RPGR: variants seen among roughly 807,000 people sequenced by gnomAD.
RPGR encodes X-linked retinitis pigmentosa GTPase regulator.
In RPGR, 10 loss-of-function variants were observed where a neutral mutation model predicts 56.3. The observed-to-expected ratio is 0.18, with a 90% CI of 0.11 to 0.30. RPGR has a LOEUF of 0.30. Ranked by LOEUF, RPGR falls within the 10% of genes least tolerant of loss-of-function variation. RPGR has a pLI of 1.00. For synonymous variants in RPGR, 197 were observed against 212.9 expected, an observed-to-expected ratio of 0.93 and a Z score of 0.65; for missense variants, 538 against 590.9, an observed-to-expected ratio of 0.91 and a Z score of 0.93.
intron 14 of RPGR, chrX:38,287,573 T>G: frequency 2.0e-6 from 1 of 506,681 alleles, no homozygotes; most frequent in Non-Finnish European, 3.5e-6. Context: ...CTCTCAGTAT[T>G]CATACCTCTA....
intron 7 of RPGR, 96 bp downstream of exon 7, chrX:38,310,519 C>T (rs1162435104): frequency 1.3e-6 from 1 of 795,754 alleles, no homozygotes; most frequent in Admixed American, 3.0e-5. Flanking sequence ...GTATTCTTAC[C>T]ACAATAAAAA....
chrX:38,323,411 C>T lies in RPGR; in HGVS notation c.142G>A (p.Ala48Thr). 1.7e-6 allele frequency: 2 copies of T among 1,205,730 alleles called. No homozygotes were observed. Among genetic ancestry groups the T allele is most frequent in the Non-Finnish European group, 2.2e-6 (2 of 890,533 alleles). The change falls in exon 2 of 19, where the codon GCT becomes ACT. Residue 48 changes from alanine to threonine, a missense_variant. Physicochemically the swap from Ala to Thr is moderately conservative, Grantham distance 58. Coordinates refer to ENST00000642395, the MANE Select transcript of RPGR (RefSeq NM_000328.3). The stretch of plus-strand genomic sequence containing the variant: ...TTGTAATACTAACCGGTAACAACAG[C>T]AGAATGTTCATCTCCACATGAAAGA...
At chrX:38,324,540 G>A (rs2068008408) in intron 1 of RPGR, among the ~76,000 whole-genome samples, 2 of 109,428 alleles carry the variant, frequency 1.8e-5, no homozygotes, top group African/African-American at 6.7e-5. Context: ...AAAAACCATA[G>A]GCTTTAAAGG....
chrX:38,288,804 C>T (rs539496607), intron 13 of RPGR, among the ~76,000 whole-genome samples: 3 of 110,879 alleles, frequency 2.7e-5, no homozygotes, highest in African/African-American at 9.8e-5. Flanking sequence ...TTTCTTGAGA[C>T]GGAGTTTCAT....
At chrX:38,270,458 CAAAAA>C (rs771458538) in intron 18 of RPGR, among the ~76,000 whole-genome samples, 1 of 76,557 alleles carries the variant, frequency 1.3e-5, no homozygotes, top group African/African-American at 5.1e-5. Context: ...ACTACAAATA[CAAAAA>C]AAAAAAAAAA....
intron 1 of RPGR, 93 bp downstream of exon 1, chrX:38,327,247 C>A: frequency 2.2e-6 from 2 of 926,811 alleles, no homozygotes; most frequent in Non-Finnish European, 2.9e-6. Flanking sequence ...AAGCCTGGGG[C>A]CTGTCCCCCT....
chrX:38,269,639 C>G lies in RPGR; in HGVS notation c.2435G>C (p.Cys812Ser), dbSNP rs371704187. Residue 812 changes from cysteine to serine, a missense_variant, in exon 19 of 19, where the codon TGT becomes TCT. By Grantham distance (112) the Cys-to-Ser change is moderately radical. Around this residue, in one of 2 missense-constraint regions of RPGR, gnomAD observed 357 missense variants for 325.8 expected, o/e 1.10. Coordinates refer to ENST00000642395, the MANE Select transcript of RPGR (RefSeq NM_000328.3). ...ATAAATATATATTTATAGTATTGTA[C>G]AGGATTTTGATCTTCTCTCTGTATT... 6 of 1,185,207 alleles carry G rather than the reference C, an allele frequency of 5.1e-6. No individual in the cohort carries two copies. Among genetic ancestry groups the G allele is most frequent in the Non-Finnish European group, 6.9e-6 (6 of 873,066 alleles).
intron 18 of RPGR, chrX:38,272,578 G>A (rs2066863343): frequency 9.8e-6 from 1 of 101,982 alleles, no homozygotes; most frequent in Non-Finnish European, 2.0e-5. Flanking sequence ...GGCAACAAGA[G>A]CGAAACTCCA....
rs1484836661 is a variant in RPGR, at chrX:38,317,145, T to G, written c.619+171A>C. On this transcript the variant is annotated intron_variant, in intron 6 of 18. Transcript: ENST00000642395. Reference sequence around the variant, plus strand: ...TCAGACAGAGTTTGAAATTATGAACTCTTATTATATAAATGGGGAAATACT... The same window carrying G: ...TCAGACAGAGTTTGAAATTATGAACGCTTATTATATAAATGGGGAAATACT... 5 of 465,035 alleles carry G rather than the reference T, an allele frequency of 1.1e-5. No homozygotes were observed. In the East Asian group the frequency reaches 1.9e-4, roughly 18 times the overall value. 38.3% of individuals were successfully genotyped at this position (465,035 alleles called of 1,213,427 possible).
At chrX:38,280,844 T>C (rs2147179546) in intron 15 of RPGR, among the ~76,000 whole-genome samples, 1 of 111,470 alleles carries the variant, frequency 9.0e-6, no homozygotes, top group South Asian at 3.8e-4. Flanking sequence ...TGAGAAACTT[T>C]TTAAATGTAA....
intron 6 of RPGR, among the ~76,000 whole-genome samples, chrX:38,311,371 A>T (rs1207272288): frequency 8.9e-6 from 1 of 112,187 alleles, no homozygotes; most frequent in Non-Finnish European, 1.9e-5. Flanking sequence ...CTGTATTATG[A>T]CTGTGAACTT....
At chrX:38,289,593 T>A (rs2067248872) in intron 13 of RPGR, among the ~76,000 whole-genome samples, 1 of 112,027 alleles carries the variant, frequency 8.9e-6, no homozygotes, top group African/African-American at 3.2e-5. Flanking sequence ...TAGGAAGAGG[T>A]TCCTATTGTG....
intron 8 of RPGR, chrX:38,302,780 AGT>A (rs1234682984): frequency 1.9e-5 from 2 of 107,644 alleles, no homozygotes; most frequent in Admixed American, 1.0e-4. Flanking sequence ...AGTGCTATTC[AGT>A]GTTTGGACTC....
At chrX:38,313,329 C>T (rs1449103251) in intron 6 of RPGR, among the ~76,000 whole-genome samples, 1 of 112,078 alleles carries the variant, frequency 8.9e-6, no homozygotes, top group Non-Finnish European at 1.9e-5. Context: ...ATTGGTCTAG[C>T]ACAGTAGCAA....
Position 38,286,442 on chromosome X carries a change from C to T in RPGR, c.1905+652G>A, listed in dbSNP as rs756933299. On this transcript the variant is annotated intron_variant, in intron 15 of 18. Transcript: ENST00000642395. Reference sequence around the variant, plus strand: ...TCTTCCTCCCCTTTCCCTTCTCCTTCCTCCTCTTCCCCCTCCCCTTCCTCC... The same window carrying T: ...TCTTCCTCCCCTTTCCCTTCTCCTTTCTCCTCTTCCCCCTCCCCTTCCTCC... 3.2e-6 allele frequency: 3 copies of T among 936,499 alleles called. No homozygotes were observed. The highest frequency in any genetic ancestry group is 4.0e-6 in the Non-Finnish European group (3 of 759,474). The allele number at this position is 936,499 out of a possible 1,213,427, so 77.2% of individuals were successfully genotyped here.
intron 8 of RPGR, among the ~76,000 whole-genome samples, chrX:38,301,722 T>A (rs1411880051): frequency 1.8e-5 from 2 of 111,024 alleles, no homozygotes; most frequent in Non-Finnish European, 3.8e-5. Flanking sequence ...GACCCCTACA[T>A]CCCAACACAG....
At chrX:38,304,937 G>T in intron 7 of RPGR, 147 bp from the exon 8 acceptor site, 1 of 503,897 alleles carries the variant, frequency 2.0e-6, no homozygotes, top group South Asian at 3.0e-5. Context: ...ACTTAATATT[G>T]AAGTATAAAT....
chrX:38,301,141 A>G (rs1368018904), intron 9 of RPGR, 106 bp downstream of exon 9: 5 of 678,842 alleles, frequency 7.4e-6, no homozygotes, highest in Admixed American at 7.1e-5. Flanking sequence ...AGATATATAT[A>G]TGATACTCTT....
intron 4 of RPGR, among the ~76,000 whole-genome samples, chrX:38,320,683 G>A (rs754857263): frequency 1.8e-5 from 2 of 112,003 alleles, no homozygotes; most frequent in South Asian, 7.4e-4. Flanking sequence ...ATTTTGATGG[G>A]AATTATGCTC....
Sources: allele counts gnomAD v4.1 joint callset (sites outside exome capture counted in the v4.1 genomes callset), GRCh38; gene constraint gnomAD v4.1.1; regional missense constraint gnomAD v4.1.1; transcripts MANE v1.5; gene names NCBI Gene and HGNC (gene_info 2026-07-23, HGNC 2026-07-21).